RPS6KC1: variants seen among roughly 807,000 people sequenced by gnomAD.
RPS6KC1 encodes inactive ribosomal protein S6 kinase delta-1.
Under a neutral mutation model 103.8 loss-of-function variants are expected in RPS6KC1, and 54 were observed. That is an observed-to-expected ratio of 0.52 (90% confidence interval 0.42 to 0.65). RPS6KC1 has a LOEUF of 0.65. Among genes scored for constraint, RPS6KC1 ranks in the 30% least tolerant of loss-of-function variants. The pLI, the probability that RPS6KC1 is intolerant of heterozygous loss-of-function variation, is 0.00. For missense variants in RPS6KC1, 1,151 were observed against 1,253.8 expected (o/e 0.92, Z 1.24); for synonymous variants, 439 against 438.7 (o/e 1.00, Z -0.01).
the RPS6KC1 span, among the ~76,000 whole-genome samples, chr1:213,792,449 A>G: frequency 6.6e-6 from 1 of 152,154 alleles, no homozygotes; most frequent in Non-Finnish European, 1.5e-5. Flanking sequence ...ACAAAAACCC[A>G]GGTTAAAGCT....
the RPS6KC1 span, among the ~76,000 whole-genome samples, chr1:213,634,852 T>A: frequency 6.7e-6 from 1 of 149,442 alleles, no homozygotes; most frequent in African/African-American, 2.5e-5. Flanking sequence ...TTTGAAAAGA[T>A]CAACAAAATT....
chr1:213,334,654 C>T, the RPS6KC1 span, among the ~76,000 whole-genome samples: 17 of 152,290 alleles, frequency 1.1e-4, no homozygotes, highest in East Asian at 2.9e-3. Context: ...GCAAGGGCTC[C>T]TCCCAGGGCC....
chr1:213,369,969 G>C, the RPS6KC1 span, among the ~76,000 whole-genome samples: 1 of 152,188 alleles, frequency 6.6e-6, no homozygotes, highest in African/African-American at 2.4e-5. Context: ...CAGCGTGTAA[G>C]ATGGTGCCAA....
the RPS6KC1 span, among the ~76,000 whole-genome samples, chr1:213,631,220 G>A: frequency 1.3e-5 from 2 of 151,886 alleles, no homozygotes; most frequent in Non-Finnish European, 2.9e-5. Context: ...CCACTGTCCT[G>A]CACCCACTGT....
chr1:213,547,916 C>T, the RPS6KC1 span, among the ~76,000 whole-genome samples: 2 of 152,254 alleles, frequency 1.3e-5, no homozygotes, highest in East Asian at 1.9e-4. Flanking sequence ...TCCTTTATAG[C>T]AACACAGACT....
intron 1 of RPS6KC1, among the ~76,000 whole-genome samples, chr1:213,070,564 T>G (rs1381391899): frequency 6.6e-6 from 1 of 152,186 alleles, no homozygotes; most frequent in Non-Finnish European, 1.5e-5. Context: ...GTGGAAGATT[T>G]ATGGACAGAA....
chr1:213,568,929 G>A, the RPS6KC1 span, among the ~76,000 whole-genome samples: 9 of 152,304 alleles, frequency 5.9e-5, 2 homozygotes, highest in East Asian at 1.5e-3. Context: ...AACCATGAGC[G>A]GGAAGTAGCA....
chr1:213,332,667 GCTGGGTC>G, the RPS6KC1 span, among the ~76,000 whole-genome samples: 1 of 152,172 alleles, frequency 6.6e-6, no homozygotes, highest in East Asian at 1.9e-4. Flanking sequence ...CAGAGGCACA[GCTGGGTC>G]GTGGGTTCCT....
chr1:213,442,296 C>T, the RPS6KC1 span, among the ~76,000 whole-genome samples: 1 of 152,200 alleles, frequency 6.6e-6, no homozygotes, highest in Non-Finnish European at 1.5e-5. Flanking sequence ...GGACTTTGTC[C>T]TATTCATCAT....
the RPS6KC1 span, among the ~76,000 whole-genome samples, chr1:213,350,155 T>C: frequency 6.6e-6 from 1 of 152,138 alleles, no homozygotes; most frequent in Non-Finnish European, 1.5e-5. Flanking sequence ...TGCAGAAGTG[T>C]GGGGTGATGT....
At chr1:213,177,889 T>C (rs1357216068) in intron 8 of RPS6KC1, among the ~76,000 whole-genome samples, 2 of 152,042 alleles carry the variant, frequency 1.3e-5, no homozygotes, top group Non-Finnish European at 2.9e-5. Flanking sequence ...TAATAGCTAG[T>C]AGTCTCACAG....
chr1:213,792,000 G>A, the RPS6KC1 span, among the ~76,000 whole-genome samples: 1 of 152,168 alleles, frequency 6.6e-6, no homozygotes, highest in South Asian at 2.1e-4. Context: ...ATGGACCTAT[G>A]AGACGCATTG....
the RPS6KC1 span, among the ~76,000 whole-genome samples, chr1:213,808,978 T>C: frequency 5.9e-5 from 9 of 152,258 alleles, no homozygotes; most frequent in Non-Finnish European, 1.3e-4. Context: ...AGTAGCACTT[T>C]TAATTTCCTT....
chr1:213,208,416 A>G (rs994590363), intron 8 of RPS6KC1, among the ~76,000 whole-genome samples: 2 of 152,144 alleles, frequency 1.3e-5, no homozygotes, highest in Admixed American at 1.3e-4. Context: ...GGAGGCCTGT[A>G]GGATTTTCTT....
the RPS6KC1 span, among the ~76,000 whole-genome samples, chr1:213,676,422 G>A: frequency 6.6e-6 from 1 of 152,154 alleles, no homozygotes; most frequent in Non-Finnish European, 1.5e-5. Flanking sequence ...CTTTGTCTGA[G>A]GAATGGAGAA....
chr1:213,079,610 G>T (rs1572390274), intron 3 of RPS6KC1, among the ~76,000 whole-genome samples: 1 of 151,934 alleles, frequency 6.6e-6, no homozygotes, highest in East Asian at 1.9e-4. Context: ...TAGAAATGGG[G>T]TTTCACCACA....
chr1:213,527,380 C>T, the RPS6KC1 span, among the ~76,000 whole-genome samples: 1 of 152,144 alleles, frequency 6.6e-6, no homozygotes, highest in South Asian at 2.1e-4. Flanking sequence ...CTTTATAGAA[C>T]AAGAAAACTG....
chr1:213,060,025 C>T (rs1404394381), intron 1 of RPS6KC1, among the ~76,000 whole-genome samples: 1 of 152,122 alleles, frequency 6.6e-6, no homozygotes, highest in Non-Finnish European at 1.5e-5. Flanking sequence ...GCCATGTTGG[C>T]CAGGCTGGTC....
intron 8 of RPS6KC1, among the ~76,000 whole-genome samples, chr1:213,220,489 G>T (rs1351904443): frequency 1.3e-5 from 2 of 152,048 alleles, no homozygotes; most frequent in African/African-American, 4.8e-5. Context: ...ACCTCACCCA[G>T]CTGATTTTTG....
Sources: allele counts gnomAD v4.1 joint callset (sites outside exome capture counted in the v4.1 genomes callset), GRCh38; gene constraint gnomAD v4.1.1; transcripts MANE v1.5; gene names NCBI Gene and HGNC (gene_info 2026-07-23, HGNC 2026-07-21).